The following DPP10 variants were observed in gnomAD, a reference collection of about 807,000 sequenced individuals.
DPP10 encodes the protein inactive dipeptidyl peptidase 10.
Under a neutral mutation model 120.9 loss-of-function variants are expected in DPP10, and 33 were observed. The ratio of observed to expected loss-of-function variants is 0.27; its 90% CI spans 0.21 to 0.37. The LOEUF is 0.37. Ranked by LOEUF, DPP10 falls within the 10% of genes least tolerant of loss-of-function variation. DPP10 has a pLI of 1.00. For synonymous variants in DPP10, 337 were observed against 326.1 expected (o/e 1.03, Z -0.36); for missense variants, 816 against 942.8 (o/e 0.87, Z 1.76).
At position 114,485,462 on chromosome 2, in the gene DPP10, G is replaced by T. The variant is rs116190832; in HGVS notation, c.60+42624G>T. Among the ~76,000 whole-genome samples, 387 of 137,188 alleles carry T rather than the reference G, an allele frequency of 2.8e-3. 2 individuals carry two copies. The highest frequency in any genetic ancestry group is 9.4e-3 in the African/African-American group (349 of 37,256). The allele number at this position is 137,188 out of a possible 152,430, so 90.0% of individuals were successfully genotyped here. On this transcript the variant is annotated intron_variant, in intron 1 of 25. Coordinates refer to ENST00000410059, the MANE Select transcript of DPP10 (RefSeq NM_020868.6). ...AAATCTCCTATTTTCAGGAAAAACT[G>T]TTTTTTTTTTTTTTGCGGGGAGGGG...
chr2:114,863,450 A>G (rs1162705713), intron 1 of DPP10, among the ~76,000 whole-genome samples: 1 of 152,096 alleles, frequency 6.6e-6, no homozygotes, highest in African/African-American at 2.4e-5. Context: ...AATTCCCATT[A>G]GTTAGTGGTG....
intron 1 of DPP10, among the ~76,000 whole-genome samples, chr2:115,103,078 A>G (rs1432139592): frequency 6.6e-6 from 1 of 152,186 alleles, no homozygotes; most frequent in Non-Finnish European, 1.5e-5. Context: ...ATGAACTCTA[A>G]AACAGAAATA....
intron 1 of DPP10, among the ~76,000 whole-genome samples, chr2:114,820,938 C>G (rs555396140): frequency 6.6e-6 from 1 of 152,184 alleles, no homozygotes; most frequent in South Asian, 2.1e-4. Context: ...CATCTTCAGT[C>G]AAATTAGATA....
intron 9 of DPP10, among the ~76,000 whole-genome samples, chr2:115,745,373 C>A (rs1160045108): frequency 6.6e-6 from 1 of 150,414 alleles, no homozygotes; most frequent in Non-Finnish European, 1.5e-5. Context: ...AACTACTATG[C>A]CTGCTAGTTA....
At chr2:115,469,381 A>G (rs2074539683) in intron 3 of DPP10, among the ~76,000 whole-genome samples, 1 of 152,164 alleles carries the variant, frequency 6.6e-6, no homozygotes, top group Admixed American at 6.5e-5. Context: ...TATCTGGGAG[A>G]GTGAAACCAC....
At chr2:115,363,582 C>T (rs1399824028) in intron 3 of DPP10, among the ~76,000 whole-genome samples, 2 of 152,210 alleles carry the variant, frequency 1.3e-5, no homozygotes, top group African/African-American at 4.8e-5. Context: ...TGACTTCTGT[C>T]AGTGGCCATA....
At position 115,746,187 on chromosome 2, in the gene DPP10, T is replaced by G. The variant is rs375342360; in HGVS notation, c.950+4T>G. On this transcript the variant is annotated splice_donor_region_variant and intron_variant, in intron 10 of 25. Transcript: ENST00000410059. ...CACCTGACAGCTTTAAATCAAGGTA[T>G]GCAATTTCAATTTCACTTTTATGGG... 1.5e-5 allele frequency: 24 copies of G among 1,606,766 alleles called. No homozygotes were observed. The African/African-American group carries it at 3.1e-4, about 21-fold the overall frequency.
At chr2:114,594,359 C>T (rs913875217) in intron 1 of DPP10, among the ~76,000 whole-genome samples, 1 of 148,034 alleles carries the variant, frequency 6.8e-6, no homozygotes, top group South Asian at 2.1e-4. Context: ...ACTTAATAAA[C>T]TCCCTTTTAC....
intron 2 of DPP10, among the ~76,000 whole-genome samples, chr2:115,328,255 C>T (rs2062482443): frequency 6.6e-6 from 1 of 151,994 alleles, no homozygotes; most frequent in Non-Finnish European, 1.5e-5. Flanking sequence ...ATGCTCTTCT[C>T]CAAATGTGGA....
chr2:114,674,238 A>G (rs1344818835), intron 1 of DPP10, among the ~76,000 whole-genome samples: 2 of 151,990 alleles, frequency 1.3e-5, no homozygotes, highest in Admixed American at 1.3e-4. Context: ...TCCTAAGTAA[A>G]TAATATATAC....
intron 4 of DPP10, among the ~76,000 whole-genome samples, chr2:115,521,668 C>G (rs2077820976): frequency 6.7e-6 from 1 of 150,298 alleles, no homozygotes; most frequent in Non-Finnish European, 1.5e-5. Flanking sequence ...CTCTTTGCCT[C>G]TGCTTCTTCC....
At chr2:115,169,911 A>G (rs1039249592) in intron 1 of DPP10, among the ~76,000 whole-genome samples, 4 of 152,190 alleles carry the variant, frequency 2.6e-5, no homozygotes, top group Admixed American at 2.6e-4. Context: ...TATTATTCTT[A>G]TCCCCACTCT....
At chr2:115,236,514 A>G (rs1013427381) in intron 1 of DPP10, among the ~76,000 whole-genome samples, 10 of 152,192 alleles carry the variant, frequency 6.6e-5, no homozygotes, top group Admixed American at 2.0e-4. Flanking sequence ...GAGGATTCTT[A>G]TTAGCTTTCT....
chr2:115,238,436 C>A (rs1337659376), intron 1 of DPP10, among the ~76,000 whole-genome samples: 1 of 152,158 alleles, frequency 6.6e-6, no homozygotes, highest in African/African-American at 2.4e-5. Flanking sequence ...TTCAGGCCTG[C>A]CAGCACAACA....
At chr2:115,650,654 A>G (rs1335625981) in intron 5 of DPP10, among the ~76,000 whole-genome samples, 8 of 151,922 alleles carry the variant, frequency 5.3e-5, no homozygotes, top group Non-Finnish European at 1.0e-4. Context: ...AGGTCCTTTC[A>G]CATGTGGTCT....
chr2:115,221,443 A>G (rs2057152752), intron 1 of DPP10, among the ~76,000 whole-genome samples: 1 of 152,148 alleles, frequency 6.6e-6, no homozygotes, highest in African/African-American at 2.4e-5. Context: ...ATTTTTGAAT[A>G]TAAGTTAAGG....
In DPP10 at chr2:114,955,279, CTT is replaced by C. The variant is rs1400363659; in HGVS notation, c.61-353959_61-353958del. ...GCAGTGAGGACCACCAGAGGTCACT[CTT>C]GTCACCATTTTGGTTTTGGCCGGCT... On this transcript the variant is annotated intron_variant, in intron 1 of 25. Transcript: ENST00000410059. Among the ~76,000 whole-genome samples, 4 of 152,292 alleles carry C rather than the reference CTT, an allele frequency of 2.6e-5. 1 individual carries two copies. Among genetic ancestry groups the C allele is most frequent in the African/African-American group, 9.6e-5 (4 of 41,560 alleles).
intron 1 of DPP10, among the ~76,000 whole-genome samples, chr2:114,750,399 T>A (rs571760723): frequency 1.9e-4 from 29 of 151,920 alleles, no homozygotes; most frequent in Non-Finnish European, 4.0e-4. Context: ...AGTGGCACAA[T>A]CTTGGCTCAC....
At chr2:115,708,707 T>C (rs1329426393) in intron 7 of DPP10, among the ~76,000 whole-genome samples, 1 of 152,096 alleles carries the variant, frequency 6.6e-6, no homozygotes, top group Non-Finnish European at 1.5e-5. Flanking sequence ...GAAAGCATAA[T>C]GACATTTGTA....
Sources: gnomAD v4.1 joint callset for allele counts (sites outside exome capture counted in the v4.1 genomes callset) on GRCh38, gnomAD v4.1.1 for gene constraint, MANE v1.5 for transcripts, NCBI Gene and HGNC (gene_info 2026-07-23, HGNC 2026-07-21) for gene names.